Variants in TBC1D1 observed in about 807,000 individuals in gnomAD.
The protein encoded by TBC1D1 is TBC1 domain family member 1, also known as TBC1 (tre-2/USP6, BUB2, cdc16) domain family, member 1.
In TBC1D1, 89 loss-of-function variants were observed where a neutral mutation model predicts 125.6. The observed-to-expected ratio is 0.71, with a 90% confidence interval of 0.60 to 0.85. The LOEUF is 0.85. Ranked by LOEUF, TBC1D1 falls within the 40% of genes least tolerant of loss-of-function variation. The probability of loss-of-function intolerance (pLI) is 0.00; values close to 1 mark genes in which losing one functional copy is unlikely to be tolerated. For missense variants in TBC1D1, 1,377 were observed against 1,469.2 expected (o/e 0.94, Z 1.03); for synonymous variants, 565 against 564.1 (o/e 1.00, Z -0.02).
In TBC1D1 at chr4:38,137,291, G is replaced by A. The variant is rs750345552; in HGVS notation, c.3463G>A (p.Asp1155Asn). The A allele has an allele frequency of 8.7e-6, 14 of 1,611,514 alleles. No individual in the cohort carries two copies. Among genetic ancestry groups the A allele is most frequent in the African/African-American group, 4.0e-5 (3 of 74,972 alleles). The change falls in exon 20 of 20, where the codon GAC (aspartate) becomes AAC (asparagine). Residue 1155 changes from aspartate to asparagine, a missense_variant. Asp to Asn is a conservative substitution (Grantham distance 23, BLOSUM62 1). Around this residue, in one of 3 missense-constraint regions of TBC1D1, gnomAD observed 543 missense variants for 613.5 expected, o/e 0.89. Transcript: ENST00000261439. ...GCGGCGGCGGAGCGCAGAGCCCAGC[G>A]ACCGGGAGCCTGAGTGCACGCAGCC...
At chr4:37,921,268 C>A (rs889748486) in intron 2 of TBC1D1, among the ~76,000 whole-genome samples, 1 of 151,354 alleles carries the variant, frequency 6.6e-6, no homozygotes, top group African/African-American at 2.4e-5. Context: ...AGGGCATAGA[C>A]GCCAGATTGC....
intron 2 of TBC1D1, among the ~76,000 whole-genome samples, chr4:37,939,311 G>A (rs1209009074): frequency 6.6e-6 from 1 of 152,180 alleles, no homozygotes; most frequent in African/African-American, 2.4e-5. Flanking sequence ...TCTTTTGGCT[G>A]CATAAATGTC....
intron 15 of TBC1D1, among the ~76,000 whole-genome samples, chr4:38,108,527 T>G (rs922336135): frequency 3.3e-5 from 5 of 152,194 alleles, no homozygotes; most frequent in African/African-American, 1.2e-4. Context: ...CTGATGATCT[T>G]TTGGTGACCA....
chr4:37,985,836 G>A (rs761579587), intron 2 of TBC1D1, among the ~76,000 whole-genome samples: 1 of 152,192 alleles, frequency 6.6e-6, no homozygotes, highest in Non-Finnish European at 1.5e-5. Context: ...ATATATGCAC[G>A]AAGAATCACT....
chr4:37,922,940 G>T (rs1026598273), intron 2 of TBC1D1, among the ~76,000 whole-genome samples: 2 of 152,146 alleles, frequency 1.3e-5, no homozygotes, highest in Middle Eastern at 3.4e-3. Flanking sequence ...TAATGGATGG[G>T]GTGGCAAAGT....
At chr4:38,009,632 T>C (rs1216652131) in intron 2 of TBC1D1, among the ~76,000 whole-genome samples, 1 of 152,242 alleles carries the variant, frequency 6.6e-6, no homozygotes, top group African/African-American at 2.4e-5. Context: ...GGGATGTCAT[T>C]ATCTGGCTAC....
chr4:37,919,838 C>T (rs867338257), intron 2 of TBC1D1, among the ~76,000 whole-genome samples: 3 of 152,106 alleles, frequency 2.0e-5, no homozygotes, highest in Non-Finnish European at 2.9e-5. Context: ...TGTGGCCAGG[C>T]GCGGTGGCTC....
At chr4:38,067,119 C>A (rs1353972623) in intron 12 of TBC1D1, among the ~76,000 whole-genome samples, 1 of 152,184 alleles carries the variant, frequency 6.6e-6, no homozygotes, top group Non-Finnish European at 1.5e-5. Context: ...TTGTGATCTG[C>A]CCGCCTCGGC....
At chr4:38,052,492 C>T (rs1299654866) in intron 11 of TBC1D1, among the ~76,000 whole-genome samples, 5 of 151,434 alleles carry the variant, frequency 3.3e-5, no homozygotes, top group African/African-American at 9.7e-5. Flanking sequence ...CCACCATGCC[C>T]GGCTAATATT....
intron 2 of TBC1D1, among the ~76,000 whole-genome samples, chr4:37,948,849 T>G (rs1162260942): frequency 6.6e-6 from 1 of 152,212 alleles, no homozygotes; most frequent in Non-Finnish European, 1.5e-5. Context: ...TCTGAACATT[T>G]CACATGAATA....
chr4:37,964,661 G>A (rs1365417675), intron 2 of TBC1D1, among the ~76,000 whole-genome samples: 2 of 150,924 alleles, frequency 1.3e-5, no homozygotes, highest in African/African-American at 2.5e-5. Context: ...AGCCTACTGC[G>A]GGTCTCACTT....
At chr4:37,963,866 T>C (rs1289800049) in intron 2 of TBC1D1, among the ~76,000 whole-genome samples, 4 of 152,210 alleles carry the variant, frequency 2.6e-5, no homozygotes, top group Non-Finnish European at 5.9e-5. Flanking sequence ...ATCCCTGCTC[T>C]TTTTCCCCCC....
At chr4:38,064,648 C>T (rs1753363780) in intron 12 of TBC1D1, among the ~76,000 whole-genome samples, 1 of 143,852 alleles carries the variant, frequency 7.0e-6, no homozygotes, top group Non-Finnish European at 1.5e-5. Flanking sequence ...TTTTTTGAGA[C>T]AATCTTGCTC....
chr4:37,996,489 G>C (rs1293352952), intron 2 of TBC1D1, among the ~76,000 whole-genome samples: 1 of 152,228 alleles, frequency 6.6e-6, no homozygotes, highest in Non-Finnish European at 1.5e-5. Context: ...GTTACTTGGT[G>C]AGTGTAGTTG....
chr4:38,053,528 C>T (rs572501827), intron 11 of TBC1D1, among the ~76,000 whole-genome samples: 1 of 152,316 alleles, frequency 6.6e-6, no homozygotes, highest in East Asian at 1.9e-4. Flanking sequence ...GATGTCTGAT[C>T]TGTTCAGGAC....
At chr4:38,054,131 A>G in intron 11 of TBC1D1, 68 bp from the exon 14 acceptor site, 4 of 1,523,802 alleles carry the variant, frequency 2.6e-6, no homozygotes, top group Non-Finnish European at 3.6e-6. Context: ...GTTTAAAAAA[A>G]TGTTAAGCTA....
chr4:38,094,926 T>C (rs1394042165), intron 13 of TBC1D1, among the ~76,000 whole-genome samples: 1 of 151,844 alleles, frequency 6.6e-6, no homozygotes, highest in East Asian at 1.9e-4. Context: ...TTTTTAAAAA[T>C]TTTTTTAAAA....
chr4:37,939,480 T>C (rs1340698026), intron 2 of TBC1D1, among the ~76,000 whole-genome samples: 3 of 151,604 alleles, frequency 2.0e-5, no homozygotes, highest in African/African-American at 7.3e-5. Flanking sequence ...GTTGCCTGTT[T>C]ACTCTGATGG....
At chr4:38,017,212 T>C (rs1286524642) in intron 3 of TBC1D1, among the ~76,000 whole-genome samples, 1 of 152,186 alleles carries the variant, frequency 6.6e-6, no homozygotes, top group Non-Finnish European at 1.5e-5. Flanking sequence ...CTATCTTCAT[T>C]ATGTAGGTAA....
Sources: gnomAD v4.1 joint callset for allele counts (sites outside exome capture counted in the v4.1 genomes callset) on GRCh38, gnomAD v4.1.1 for gene constraint, gnomAD v4.1.1 regional missense constraint, MANE v1.5 for transcripts, NCBI Gene and HGNC (gene_info 2026-07-23, HGNC 2026-07-21) for gene names.